Variants in RBFOX1 observed in about 807,000 individuals in gnomAD.
RBFOX1 encodes the protein RNA binding fox-1 homolog 1.
Under a neutral mutation model 57.7 loss-of-function variants are expected in RBFOX1, and 8 were observed. The ratio of observed to expected loss-of-function variants is 0.14; its 90% CI spans 0.08 to 0.25. The LOEUF is 0.25. RBFOX1 is among the 10% of genes least tolerant of loss of function. RBFOX1 has a pLI of 1.00. For synonymous variants in RBFOX1, 326 were observed against 222.4 expected (o/e 1.47, Z -4.15); for missense variants, 611 against 548.5 (o/e 1.11, Z -1.14).
At chr16:7,016,258 T>C (rs1392766159) in intron 3 of RBFOX1, among the ~76,000 whole-genome samples, 2 of 152,082 alleles carry the variant, frequency 1.3e-5, no homozygotes, top group Admixed American at 6.6e-5. Context: ...ACCTGCCTCA[T>C]CCCCAAGATC....
At chr16:6,021,761 G>A (rs2095083213) in intron 1 of RBFOX1, among the ~76,000 whole-genome samples, 2 of 152,166 alleles carry the variant, frequency 1.3e-5, no homozygotes, top group South Asian at 4.1e-4. Flanking sequence ...GTGACCTTGG[G>A]CAAGTTGCTT....
chr16:6,705,294 T>G (rs768153927), intron 3 of RBFOX1: 14 of 151,112 alleles, frequency 9.3e-5, no homozygotes, highest in African/African-American at 1.5e-4. Context: ...TCTCACTGTT[T>G]GAGTGGGAGG....
At chr16:6,729,011 C>T (rs1277220297) in intron 3 of RBFOX1, among the ~76,000 whole-genome samples, 1 of 152,128 alleles carries the variant, frequency 6.6e-6, no homozygotes, top group African/African-American at 2.4e-5. Flanking sequence ...ATACAGTCAA[C>T]AAATCATACG....
At chr16:7,214,447 C>T (rs2091689743) in intron 4 of RBFOX1, among the ~76,000 whole-genome samples, 1 of 152,056 alleles carries the variant, frequency 6.6e-6, no homozygotes, top group Admixed American at 6.6e-5. Flanking sequence ...TTCTAAATCA[C>T]CGTGTCTTGC....
At chr16:7,523,802 T>C (rs2078043985) in intron 5 of RBFOX1, among the ~76,000 whole-genome samples, 1 of 151,620 alleles carries the variant, frequency 6.6e-6, no homozygotes, top group Non-Finnish European at 1.5e-5. Flanking sequence ...AAAAAGGAGA[T>C]GTGACTTTTC....
chr16:6,851,428 T>C (rs1484912788), intron 3 of RBFOX1, among the ~76,000 whole-genome samples: 1 of 152,206 alleles, frequency 6.6e-6, no homozygotes, highest in African/African-American at 2.4e-5. Context: ...ATATTACTTA[T>C]TAAATTACAT....
chr16:6,749,771 G>C (rs918140989), intron 3 of RBFOX1, among the ~76,000 whole-genome samples: 1 of 152,170 alleles, frequency 6.6e-6, no homozygotes, highest in Non-Finnish European at 1.5e-5. Context: ...AGTGTTAACA[G>C]AGCAGCCTTA....
rs530960740 is a variant in RBFOX1 at position 6,456,713 on chromosome 16, T to C, written c.-64+139656T>C. On this transcript the variant is annotated intron_variant, in intron 2 of 15. Transcript: ENST00000550418. ...GGGCACTTTGGGTGGGAATAATGGC[T>C]ATGGGAATGAAGACAACTGAATGGA... Among the ~76,000 whole-genome samples, 166 of 152,262 alleles carry C rather than the reference T, an allele frequency of 1.1e-3. 1 individual carries two copies. Among genetic ancestry groups the C allele is most frequent in the Non-Finnish European group, 9.7e-4 (66 of 68,016 alleles).
intron 2 of RBFOX1, among the ~76,000 whole-genome samples, chr16:5,560,720 G>A (rs1654550847): frequency 2.0e-5 from 3 of 152,144 alleles, no homozygotes. Context: ...ACCTACCAAA[G>A]TTTGACTCTT....
At chr16:7,435,020 T>C (rs1350460537) in intron 4 of RBFOX1, among the ~76,000 whole-genome samples, 1 of 152,176 alleles carries the variant, frequency 6.6e-6, no homozygotes, top group Non-Finnish European at 1.5e-5. Flanking sequence ...CTTGTTCACA[T>C]TTTGCATTTA....
At chr16:6,314,977 C>T (rs116358529) in intron 1 of RBFOX1, among the ~76,000 whole-genome samples, 2,433 of 152,290 alleles carry the variant, frequency 0.016, 53 homozygotes, top group African/African-American at 0.052. Context: ...CCACTGTCCC[C>T]GGTGAAGATC....
At position 6,057,826 on chromosome 16, in the gene RBFOX1, T is replaced by TTG. The variant is rs1555490646; in HGVS notation, c.-127+37835_-127+37836insGT. 1.6e-4 allele frequency among the ~76,000 whole-genome samples: 3 copies of TTG among 19,068 alleles called. No individual in the cohort carries two copies. In the East Asian group the frequency reaches 3.4e-3, roughly 22 times the overall value. The allele number at this position is 19,068 out of a possible 152,430, so 12.5% of individuals were successfully genotyped here. On this transcript the variant is annotated intron_variant, in intron 1 of 15. Transcript: ENST00000550418. ...AAATTTTATGAGGGTTTGCTATGGG[T>TTG]TTTTTTTTTTTTTTTTTTTTTTGAG...
chr16:7,080,022 ACG>A (rs539717146), intron 4 of RBFOX1, among the ~76,000 whole-genome samples: 1,430 of 136,562 alleles, frequency 0.01, 27 homozygotes, highest in African/African-American at 0.035. Flanking sequence ...ACATATATAT[ACG>A]TATATATGTA....
intron 3 of RBFOX1, among the ~76,000 whole-genome samples, chr16:6,905,244 GT>G (rs1328369436): frequency 6.6e-6 from 1 of 151,074 alleles, no homozygotes; most frequent in Non-Finnish European, 1.5e-5. Flanking sequence ...CTCTGTAACT[GT>G]TTAAAAAAAA....
At chr16:6,859,109 G>GTATATATATATATATATATA (rs2058423615) in intron 3 of RBFOX1, among the ~76,000 whole-genome samples, 1 of 38,328 alleles carries the variant, frequency 2.6e-5, no homozygotes, top group Non-Finnish European at 4.0e-5. Context: ...CCTAAAAAAA[G>GTATATATATATATATATATA]TGTATATATA....
chr16:5,254,258 A>G (rs745857408), intron 1 of RBFOX1, among the ~76,000 whole-genome samples: 4 of 152,160 alleles, frequency 2.6e-5, no homozygotes, highest in Non-Finnish European at 5.9e-5. Context: ...GCACACTCTT[A>G]ACCACTTCAC....
chr16:7,641,225 T>C (rs1364564793), intron 11 of RBFOX1, among the ~76,000 whole-genome samples: 1 of 152,218 alleles, frequency 6.6e-6, no homozygotes, highest in Non-Finnish European at 1.5e-5. Context: ...TGGCTGCTGC[T>C]TCTTCCCTTG....
chr16:6,485,799 C>G (rs529594685), intron 2 of RBFOX1, among the ~76,000 whole-genome samples: 1 of 152,236 alleles, frequency 6.6e-6, no homozygotes, highest in South Asian at 2.1e-4. Context: ...TTACATTTGT[C>G]TCTTAAAATC....
At chr16:5,335,250 CAG>C (rs1383119438) in intron 1 of RBFOX1, among the ~76,000 whole-genome samples, 1 of 152,172 alleles carries the variant, frequency 6.6e-6, no homozygotes, top group Admixed American at 6.5e-5. Flanking sequence ...TGATACATCA[CAG>C]AGATTAGCCT....
Sources: gnomAD v4.1 joint callset for allele counts (sites outside exome capture counted in the v4.1 genomes callset) on GRCh38, gnomAD v4.1.1 for gene constraint, MANE v1.5 for transcripts, NCBI Gene and HGNC (gene_info 2026-07-23, HGNC 2026-07-21) for gene names.